ATP13A3: variants seen among roughly 807,000 people sequenced by gnomAD.
The protein encoded by ATP13A3 is ATPase 13A3, also known as polyamine-transporting ATPase 13A3.
ATP13A3 carries 59 observed loss-of-function variants against 158.1 expected under a neutral mutation model. That is an observed-to-expected ratio of 0.37 (90% confidence interval 0.30 to 0.46). The LOEUF (loss-of-function observed/expected upper bound fraction) is 0.46, where lower values mean the gene tolerates loss of function less well. ATP13A3 is among the 20% of genes least tolerant of loss of function. The pLI, the probability that ATP13A3 is intolerant of heterozygous loss-of-function variation, is 1.00. For missense variants in ATP13A3, 1,166 were observed against 1,525.2 expected, an observed-to-expected ratio of 0.76 and a Z score of 3.92; for synonymous variants, 491 against 504.3, an observed-to-expected ratio of 0.97 and a Z score of 0.35.
chr3:194,456,107 C>T, intron 7 of ATP13A3, 145 bp from the exon 8 acceptor site: 5 of 487,670 alleles, frequency 1.0e-5, no homozygotes, highest in Non-Finnish European at 1.8e-5. Flanking sequence ...AAACTCTCTA[C>T]CTACAGAATT....
At chr3:194,486,025 G>A (rs1044501399) in intron 1 of ATP13A3, among the ~76,000 whole-genome samples, 190 bp from the exon 2 acceptor site, 1 of 152,114 alleles carries the variant, frequency 6.6e-6, no homozygotes, top group African/African-American at 2.4e-5. Flanking sequence ...AGACAGAAAG[G>A]CCATAGCGAG....
At chr3:194,474,838 C>A (rs1296434728) in intron 2 of ATP13A3, among the ~76,000 whole-genome samples, 2 of 152,186 alleles carry the variant, frequency 1.3e-5, no homozygotes, top group African/African-American at 2.4e-5. Flanking sequence ...TGCTGTGATG[C>A]GGTGCTCACT....
Position 194,427,167 on chromosome 3 carries a change from C to A in ATP13A3, c.3033G>T (p.Leu1011Phe), listed in dbSNP as rs745443352. 4.3e-6 allele frequency: 7 copies of A among 1,613,428 alleles called. No individual in the cohort carries two copies. The highest frequency in any genetic ancestry group is 5.9e-6 in the Non-Finnish European group (7 of 1,179,914). ...ATCCAATGCAGATGATAATCTGAGA[C>A]AAAACGGAGAAGAGAAGGGCCCCAG... ...LISGALLFSV[L>F]SQIIICIGFQ... Residue 1011 changes from leucine to phenylalanine, a missense_variant, in exon 29 of 34, where the codon TTG becomes TTT. Physicochemically the swap from Leu to Phe is conservative, Grantham distance 22 (BLOSUM62 0). Around this residue, in one of 3 missense-constraint regions of ATP13A3, gnomAD observed 997 missense variants for 1,341.2 expected, o/e 0.74. Coordinates refer to ENST00000645319, the MANE Select transcript of ATP13A3 (RefSeq NM_001367549.1).
At chr3:194,421,980 G>A (rs1485871044) in intron 30 of ATP13A3, among the ~76,000 whole-genome samples, 1 of 135,062 alleles carries the variant, frequency 7.4e-6, no homozygotes, top group Non-Finnish European at 1.5e-5. Flanking sequence ...AAGCACAGAA[G>A]CTTCTTTACA....
intron 6 of ATP13A3, chr3:194,459,215 CTCA>C (rs1279489061): frequency 3.3e-5 from 14 of 426,524 alleles, no homozygotes; most frequent in Non-Finnish European, 5.1e-5. Flanking sequence ...CAGGTAAGAA[CTCA>C]GACTCAGTAG....
At chr3:194,408,094 A>G (rs545468461) in intron 33 of ATP13A3, among the ~76,000 whole-genome samples, 8 of 148,410 alleles carry the variant, frequency 5.4e-5, no homozygotes, top group African/African-American at 2.0e-4. Flanking sequence ...ATCTAAGCTC[A>G]CTGCAACCAC....
intron 2 of ATP13A3, among the ~76,000 whole-genome samples, chr3:194,474,795 G>A (rs1241765856): frequency 2.0e-5 from 3 of 152,186 alleles, no homozygotes; most frequent in African/African-American, 4.8e-5. Flanking sequence ...ACACTGCTTA[G>A]ATACAACCTT....
At chr3:194,446,184 A>C (rs527361565) in intron 14 of ATP13A3, among the ~76,000 whole-genome samples, 47 of 152,354 alleles carry the variant, frequency 3.1e-4, no homozygotes, top group Non-Finnish European at 4.6e-4. Flanking sequence ...GAAATATAGC[A>C]TGTCCTCAAA....
At position 194,431,039 on chromosome 3, in the gene ATP13A3, A is replaced by G; in HGVS notation, c.2545-17T>C. The G allele has an allele frequency of 1.2e-6, 2 of 1,613,574 alleles. No homozygotes were observed. Among genetic ancestry groups the G allele is most frequent in the South Asian group, 2.2e-5 (2 of 91,002 alleles). The stretch of plus-strand genomic sequence containing the variant: ...CAACATCAACTGGAAACAATAATAC[A>G]AATTTTTTTAAAATACTGTTGCGAT... On this transcript the variant is annotated splice_polypyrimidine_tract_variant and intron_variant, in intron 23 of 33. Coordinates refer to ENST00000645319, the MANE Select transcript of ATP13A3 (RefSeq NM_001367549.1).
intron 2 of ATP13A3, among the ~76,000 whole-genome samples, chr3:194,477,818 C>A (rs2109047434): frequency 6.6e-6 from 1 of 152,324 alleles, no homozygotes; most frequent in South Asian, 2.1e-4. Flanking sequence ...TACAGATTAG[C>A]TGCAGTGAGT....
intron 13 of ATP13A3, 130 bp from the exon 14 acceptor site, chr3:194,447,245 T>C (rs1404693983): frequency 4.2e-6 from 3 of 706,642 alleles, no homozygotes; most frequent in East Asian, 2.9e-5. Context: ...TGTGTGTATA[T>C]ACATATCTAT....
intron 2 of ATP13A3, among the ~76,000 whole-genome samples, chr3:194,478,527 C>T (rs563452487): frequency 6.6e-6 from 1 of 152,054 alleles, no homozygotes; most frequent in South Asian, 2.1e-4. Context: ...GTGAGAGATC[C>T]TAAAAAATGC....
intron 6 of ATP13A3, among the ~76,000 whole-genome samples, chr3:194,458,476 G>GC (rs1376631628): frequency 1.3e-5 from 2 of 152,138 alleles, no homozygotes; most frequent in Non-Finnish European, 2.9e-5. Context: ...GCAACCTCCG[G>GC]CCCCCTGGGT....
intron 31 of ATP13A3, 124 bp from the exon 32 acceptor site, chr3:194,413,963 A>G: frequency 3.8e-6 from 3 of 795,064 alleles, no homozygotes; most frequent in South Asian, 3.1e-5. Context: ...TACATTATCT[A>G]CTTAATCCTC....
intron 17 of ATP13A3, among the ~76,000 whole-genome samples, chr3:194,438,134 G>A (rs1017544932): frequency 6.6e-6 from 1 of 152,150 alleles, no homozygotes; most frequent in Non-Finnish European, 1.5e-5. Context: ...CACTCCAGCC[G>A]GGGTGACAGA....
In ATP13A3 at chr3:194,427,209, T is replaced by C; in HGVS notation, c.2991A>G (p.Pro997=). Residue 997 remains proline, a synonymous_variant, in exon 29 of 34, where the codon CCA becomes CCG. Coordinates refer to ENST00000645319, the MANE Select transcript of ATP13A3 (RefSeq NM_001367549.1). ...PAWKELVAQR[P]PSGLISGALL... Reference sequence around the variant, plus strand: ...GGGCCCCAGATATAAGACCCGAAGGTGGTCTTTGTGCCACAAGTTCTTTCC... The same window carrying C: ...GGGCCCCAGATATAAGACCCGAAGGCGGTCTTTGTGCCACAAGTTCTTTCC... 1 of 1,609,728 alleles carries C rather than the reference T, an allele frequency of 6.2e-7. No individual in the cohort carries two copies. The highest frequency in any genetic ancestry group is 1.1e-5 in the South Asian group (1 of 89,676).
rs781326111 is a variant in ATP13A3, at chr3:194,446,964, T to C, written c.1460A>G (p.Asn487Ser). Residue 487 changes from asparagine (N) to serine (S), a missense_variant, in exon 14 of 34, where the codon AAT (asparagine) becomes AGT (serine). By Grantham distance (46) the Asn-to-Ser change is conservative. This residue lies in a region of ATP13A3 where 997 missense variants were observed against 1,341.2 expected (regional missense o/e 0.74). Transcript: ENST00000645319. ...GIFCISPQRI[N>S]ICGQLNLVCF... Reference sequence around the variant, plus strand: ...AACAAGATTGAGCTGTCCACAAATATTTATTCTTTGAGGACTGATACAGAA... The same window carrying C: ...AACAAGATTGAGCTGTCCACAAATACTTATTCTTTGAGGACTGATACAGAA... 1.2e-6 allele frequency: 2 copies of C among 1,612,992 alleles called. No individual in the cohort carries two copies. Among genetic ancestry groups the C allele is most frequent in the Non-Finnish European group, 1.7e-6 (2 of 1,179,826 alleles).
intron 2 of ATP13A3, among the ~76,000 whole-genome samples, chr3:194,469,131 A>G (rs2109012313): frequency 6.9e-6 from 1 of 145,912 alleles, no homozygotes; most frequent in East Asian, 2.0e-4. Flanking sequence ...AGACTCCATC[A>G]CACACACACA....
chr3:194,445,553 A>T (rs114168892), intron 14 of ATP13A3, among the ~76,000 whole-genome samples: 5,478 of 152,288 alleles, frequency 0.036, 351 homozygotes, highest in African/African-American at 0.13. Flanking sequence ...GTAATGAGTA[A>T]ATGAGTGTTT....
Sources: allele counts gnomAD v4.1 joint callset (sites outside exome capture counted in the v4.1 genomes callset), GRCh38; gene constraint gnomAD v4.1.1; regional missense constraint gnomAD v4.1.1; transcripts MANE v1.5; gene names NCBI Gene and HGNC (gene_info 2026-07-23, HGNC 2026-07-21).